Variants in OXNAD1 observed in about 807,000 individuals in gnomAD.
The protein encoded by OXNAD1 is oxidoreductase NAD-binding domain-containing protein 1.
Under a neutral mutation model 32.9 loss-of-function variants are expected in OXNAD1, and 34 were observed. That is an observed-to-expected ratio of 1.03 (90% CI 0.79 to 1.38). The LOEUF is 1.38. OXNAD1 is among the 40% of genes most tolerant of loss of function. OXNAD1 has a pLI of 0.00. For missense variants in OXNAD1, 407 were observed against 379.4 expected, an observed-to-expected ratio of 1.07 and a Z score of -0.60; for synonymous variants, 134 against 135.2, an observed-to-expected ratio of 0.99 and a Z score of 0.06.
chr3:16,278,929 T>C (rs1189741765), intron 4 of OXNAD1, among the ~76,000 whole-genome samples: 1 of 152,236 alleles, frequency 6.6e-6, no homozygotes, highest in East Asian at 1.9e-4. Flanking sequence ...GAGTGGACTA[T>C]GTCCCAAGGC....
downstream of OXNAD1, chr3:16,350,423 C>T (rs1486941512): frequency 1.3e-5 from 2 of 151,622 alleles, no homozygotes; most frequent in African/African-American, 4.9e-5. Context: ...AAATTGTTAA[C>T]AGATGTTAGC....
In OXNAD1 at chr3:16,299,014, G is replaced by A. The variant is rs1405900252; in HGVS notation, c.433-2612G>A. ...CAGACCTACCGAAGATTATTTTGTC[G>A]TCAAGGATAAGACAGGCTTCTTGAA... is the stretch of plus-strand genomic sequence containing the variant. On this transcript the variant is annotated intron_variant, in intron 6 of 8. Transcript: ENST00000285083. The surrounding 1 kb of genome is among the most constrained non-coding windows in gnomAD (Gnocchi z 4.4). Among the ~76,000 whole-genome samples the A allele has an allele frequency of 2.6e-5, 4 of 152,266 alleles. No homozygotes were observed. The highest frequency in any genetic ancestry group is 2.1e-4 in the South Asian group (1 of 4,814).
Position 16,348,977 on chromosome 3 carries a change from A to C in OXNAD1, c.*31-199A>C, listed in dbSNP as rs554242676. On this transcript the variant is annotated intron_variant, in intron 9 of 9. Transcript: ENST00000606098. The surrounding 1 kb of genome is among the most constrained non-coding windows in gnomAD (Gnocchi z 6.3). ...GCTAAAAGAGGTAAAAGAGGGACAGACAGCCATCCCAGGCTCCACTATCCA... is the reference window on the plus strand; with the variant it reads ...GCTAAAAGAGGTAAAAGAGGGACAGCCAGCCATCCCAGGCTCCACTATCCA... 3.9e-5 allele frequency among the ~76,000 whole-genome samples: 6 copies of C among 152,210 alleles called. No individual in the cohort carries two copies. The highest frequency in any genetic ancestry group is 2.1e-4 in the South Asian group (1 of 4,832).
Position 16,320,788 on chromosome 3 carries a change from G to A in OXNAD1, c.*31-16324G>A, listed in dbSNP as rs967238559. Among the ~76,000 whole-genome samples, 1 of 152,216 alleles carries A rather than the reference G, an allele frequency of 6.6e-6. No homozygotes were observed. The highest frequency in any genetic ancestry group is 2.4e-5 in the African/African-American group (1 of 41,460). The stretch of plus-strand genomic sequence containing the variant: ...CCACAGAGAATGGGAGGCTGGCAGA[G>A]GAGGTAAGAGGGACCAGATCCCTTG... On this transcript the variant is annotated intron_variant, in intron 9 of 9. Coordinates refer to the OXNAD1 transcript ENST00000435829. The surrounding 1 kb of genome is among the most constrained non-coding windows in gnomAD (Gnocchi z 4.5).
At chr3:16,315,450 A>G (rs1238154208) in intron 9 of OXNAD1, among the ~76,000 whole-genome samples, 1 of 152,158 alleles carries the variant, frequency 6.6e-6, no homozygotes, top group Non-Finnish European at 1.5e-5. Flanking sequence ...TTGCAAAGGG[A>G]AAAGACTTGC....
At chr3:16,282,403 A>G (rs1424913863) in intron 4 of OXNAD1, among the ~76,000 whole-genome samples, 1 of 151,528 alleles carries the variant, frequency 6.6e-6, no homozygotes, top group Non-Finnish European at 1.5e-5. Context: ...ATTTCTACCA[A>G]TCTTTGTTCT....
Position 16,320,865 on chromosome 3 carries a change from A to G in OXNAD1, c.*31-16247A>G, listed in dbSNP as rs1379185210. Among the ~76,000 whole-genome samples, 1 of 152,246 alleles carries G rather than the reference A, an allele frequency of 6.6e-6. No individual in the cohort carries two copies. The highest frequency in any genetic ancestry group is 1.5e-5 in the Non-Finnish European group (1 of 68,044). On this transcript the variant is annotated intron_variant, in intron 9 of 9. Coordinates refer to the OXNAD1 transcript ENST00000435829. This position sits in a 1 kb window ranked among gnomAD's most constrained non-coding sequence, Gnocchi z 4.5. ...TCCATCTTTGTCTTCAGAGTCATAC[A>G]AAACTAGAACTCCTTTGAGCAGTGG...
rs547509816 is a variant in OXNAD1 at position 16,345,840 on chromosome 3, G to A, written c.*31-3336G>A. 0.011 allele frequency among the ~76,000 whole-genome samples: 790 copies of A among 71,906 alleles called. 8 individuals carry two copies. The highest frequency in any genetic ancestry group is 0.05 in the African/African-American group (744 of 14,916). 47.2% of individuals were successfully genotyped at this position (71,906 alleles called of 152,430 possible). On this transcript the variant is annotated intron_variant, in intron 9 of 9. Transcript: ENST00000606098. This position sits in a 1 kb window ranked among gnomAD's most constrained non-coding sequence, Gnocchi z 5.2. The stretch of plus-strand genomic sequence containing the variant: ...TGTGCGCGCGCGCGTGCGCGCACGC[G>A]CACATGTGCATGTGTATGTGTATAA...
At chr3:16,333,755 G>GA (rs1005100620) in intron 9 of OXNAD1, among the ~76,000 whole-genome samples, 4 of 152,080 alleles carry the variant, frequency 2.6e-5, no homozygotes, top group African/African-American at 9.7e-5. Context: ...AAATTGAAAA[G>GA]AAAAAATCCA....
At chr3:16,281,869 A>C (rs1379986030) in intron 4 of OXNAD1, among the ~76,000 whole-genome samples, 1 of 151,792 alleles carries the variant, frequency 6.6e-6, no homozygotes, top group Non-Finnish European at 1.5e-5. Context: ...CGAAAGAAAA[A>C]AATGAATGTT....
chr3:16,302,557 G>A lies in OXNAD1; in HGVS notation c.676-83G>A, dbSNP rs528275165. The A allele has an allele frequency of 9.0e-6, 8 of 890,876 alleles. No homozygotes were observed. Among genetic ancestry groups the A allele is most frequent in the Admixed American group, 2.1e-5 (1 of 47,358 alleles). 55.2% of individuals were successfully genotyped at this position (890,876 alleles called of 1,614,324 possible). A position where few individuals can be genotyped will look rare whatever the true frequency, so the allele number is the denominator to read the frequency against. Reference sequence around the variant, plus strand: ...AGCGGCAGACGTGTGCAGAATGGGAGTTGAGGTTCAGCGTCAATGGTTGTG... The same window carrying A: ...AGCGGCAGACGTGTGCAGAATGGGAATTGAGGTTCAGCGTCAATGGTTGTG... On this transcript the variant is annotated intron_variant, in intron 7 of 8. Transcript: ENST00000285083. This position sits in a 1 kb window ranked among gnomAD's most constrained non-coding sequence, Gnocchi z 4.2.
Position 16,327,492 on chromosome 3 carries a change from G to A in OXNAD1, c.*31-9620G>A, listed in dbSNP as rs1458801759. Among the ~76,000 whole-genome samples the A allele has an allele frequency of 1.3e-5, 2 of 151,982 alleles. No homozygotes were observed. Among genetic ancestry groups the A allele is most frequent in the Non-Finnish European group, 2.9e-5 (2 of 67,962 alleles). On this transcript the variant is annotated intron_variant, in intron 9 of 9. Coordinates refer to the OXNAD1 transcript ENST00000435829. The surrounding 1 kb of genome is among the most constrained non-coding windows in gnomAD (Gnocchi z 4.2). Reference sequence around the variant, plus strand: ...AACTCAGCCCCGGCCGGGTGCTGTGGCTCACGTCTGTAATCCCAGCACTTT... The same window carrying A: ...AACTCAGCCCCGGCCGGGTGCTGTGACTCACGTCTGTAATCCCAGCACTTT...
intron 4 of OXNAD1, among the ~76,000 whole-genome samples, chr3:16,276,991 C>T (rs2065384365): frequency 6.7e-6 from 1 of 148,808 alleles, no homozygotes; most frequent in South Asian, 2.1e-4. Flanking sequence ...ATGGTGCGAT[C>T]TTGGCTCACT....
At chr3:16,311,287 C>T (rs1030800639) in intron 9 of OXNAD1, among the ~76,000 whole-genome samples, 9 of 151,648 alleles carry the variant, frequency 5.9e-5, no homozygotes, top group East Asian at 1.9e-4. Context: ...ATCTGCCTCC[C>T]GGGTTCAAGT....
In OXNAD1 at chr3:16,271,681, A is replaced by G; in HGVS notation, c.142A>G (p.Thr48Ala). The G allele has an allele frequency of 6.2e-7, 1 of 1,606,034 alleles. No individual in the cohort carries two copies. The highest frequency in any genetic ancestry group is 8.5e-7 in the Non-Finnish European group (1 of 1,178,038). Residue 48 changes from threonine (T) to alanine (A), a missense_variant, in exon 4 of 9, where the codon ACT becomes GCT. Coordinates refer to ENST00000285083, the MANE Select transcript of OXNAD1 (RefSeq NM_138381.5). The surrounding 1 kb of genome is among the most constrained non-coding windows in gnomAD (Gnocchi z 4.6). ...LTSIMKSKRK[T>A]DHMERTASVL... ...AAGCATAATGAAATCCAAAAGGAAAACTGATCACATGGAGAGAACTGCAAG... is the reference window on the plus strand; with the variant it reads ...AAGCATAATGAAATCCAAAAGGAAAGCTGATCACATGGAGAGAACTGCAAG...
At chr3:16,295,279 C>G (rs144801759) in intron 6 of OXNAD1, among the ~76,000 whole-genome samples, 14 of 152,264 alleles carry the variant, frequency 9.2e-5, no homozygotes, top group South Asian at 2.1e-4. Flanking sequence ...AAAGTTGGCT[C>G]TCTGTGTCAT....
At chr3:16,315,100 T>C (rs1417688832) in intron 9 of OXNAD1, 2 of 149,100 alleles carry the variant, frequency 1.3e-5, no homozygotes, top group Non-Finnish European at 3.0e-5. Flanking sequence ...TATAAAAATA[T>C]ATTACAAATG....
intron 9 of OXNAD1, among the ~76,000 whole-genome samples, chr3:16,319,703 T>C (rs1368043552): frequency 6.6e-6 from 1 of 152,196 alleles, no homozygotes; most frequent in Non-Finnish European, 1.5e-5. Context: ...TCTGCTGATA[T>C]AATACAAAAC....
chr3:16,317,136 TTTC>T lies in OXNAD1; in HGVS notation c.*30+13549_*30+13551del, dbSNP rs1377070670. The T allele has an allele frequency of 1.4e-5, 23 of 1,613,666 alleles. No individual in the cohort carries two copies. The highest frequency in any genetic ancestry group is 1.9e-5 in the Non-Finnish European group (22 of 1,179,980). On this transcript the variant is annotated intron_variant, in intron 9 of 9. Coordinates refer to the OXNAD1 transcript ENST00000435829. This position sits in a 1 kb window ranked among gnomAD's most constrained non-coding sequence, Gnocchi z 4.3. ...GACTGGTCTTCTAAGTTCTTCTCAT[TTTC>T]TTCTGCTTGTTGTTTGTCTCTGGCA...
Sources: gnomAD v4.1 joint callset for allele counts (sites outside exome capture counted in the v4.1 genomes callset) on GRCh38, gnomAD v4.1.1 for gene constraint, Gnocchi (gnomAD v3.1) non-coding constraint, MANE v1.5 for transcripts, NCBI Gene and HGNC (gene_info 2026-07-23, HGNC 2026-07-21) for gene names.